The following REPS2 variants were observed in gnomAD, a reference collection of about 807,000 sequenced individuals.
The protein encoded by REPS2 is RALBP1 associated Eps domain containing 2.
In REPS2, 23 loss-of-function variants were observed where a neutral mutation model predicts 53.6. That is an observed-to-expected ratio of 0.43 (90% CI 0.31 to 0.61). The LOEUF (loss-of-function observed/expected upper bound fraction) is 0.61. Among genes scored for constraint, REPS2 ranks in the 20% least tolerant of loss-of-function variants. REPS2 has a pLI of 0.11. For synonymous variants in REPS2, 238 were observed against 218.6 expected (o/e 1.09, Z -0.78); for missense variants, 446 against 534.9 (o/e 0.83, Z 1.64).
At chrX:17,000,688 TTTA>T (rs2061295768) in intron 1 of REPS2, among the ~76,000 whole-genome samples, 1 of 112,004 alleles carries the variant, frequency 8.9e-6, no homozygotes, top group Non-Finnish European at 1.9e-5. Context: ...CTACAAGCTT[TTTA>T]TTGACAAAAT....
chrX:16,996,736 C>G (rs2061239282), intron 1 of REPS2, among the ~76,000 whole-genome samples: 1 of 111,897 alleles, frequency 8.9e-6, no homozygotes, highest in African/African-American at 3.3e-5. Context: ...ACTGAACTTC[C>G]ATTCACATTC....
chrX:16,963,666 C>T (rs981608307), intron 1 of REPS2, among the ~76,000 whole-genome samples: 1 of 112,392 alleles, frequency 8.9e-6, no homozygotes, highest in African/African-American at 3.2e-5. Context: ...AGCCACCTCT[C>T]ACTGTAATAA....
chrX:17,176,065 G>A, the REPS2 span, among the ~76,000 whole-genome samples: 1 of 111,973 alleles, frequency 8.9e-6, no homozygotes, highest in Non-Finnish European at 1.9e-5. Context: ...TGGTTGGGGG[G>A]GCTGCCCTAG....
intron 14 of REPS2, among the ~76,000 whole-genome samples, chrX:17,104,141 C>T (rs954044441): frequency 9.0e-6 from 1 of 111,449 alleles, no homozygotes; most frequent in African/African-American, 3.3e-5. Context: ...CCTATATTTT[C>T]GTCAGTACTT....
intron 14 of REPS2, among the ~76,000 whole-genome samples, chrX:17,121,180 TGAAG>T (rs1340645447): frequency 1.8e-5 from 2 of 111,887 alleles, no homozygotes; most frequent in African/African-American, 3.3e-5. Context: ...CCTTCATCCT[TGAAG>T]GAGAGGAAGA....
the REPS2 span, among the ~76,000 whole-genome samples, chrX:17,189,733 AAT>A: frequency 5.4e-5 from 6 of 110,549 alleles, no homozygotes; most frequent in East Asian, 1.7e-3. Flanking sequence ...TGTATTCCTT[AAT>A]AGTTATTAGT....
chrX:17,184,620 G>A, the REPS2 span, among the ~76,000 whole-genome samples: 14 of 109,995 alleles, frequency 1.3e-4, no homozygotes, highest in African/African-American at 4.3e-4. Flanking sequence ...TTCCACAATG[G>A]TTGAACTAGT....
rs559628434 is a variant in REPS2 at position 17,044,541 on chromosome X, C to T, written c.772-2806C>T. ...ATGGATATTTCTGTGTCTTCGTTCA[C>T]TGGGAAGTGGAGGGACAGAGCTTCC... On this transcript the variant is annotated intron_variant, in intron 5 of 17. Transcript: ENST00000357277. 1.1e-3 allele frequency: 127 copies of T among 111,711 alleles called. 1 individual carries two copies. The highest frequency in any genetic ancestry group is 2.0e-3 in the Admixed American group (21 of 10,520). The allele number at this position is 111,711 out of a possible 1,213,427, so 9.2% of individuals were successfully genotyped here.
At chrX:17,026,637 G>C (rs1172291510) in intron 4 of REPS2, among the ~76,000 whole-genome samples, 1 of 110,013 alleles carries the variant, frequency 9.1e-6, no homozygotes, top group Non-Finnish European at 1.9e-5. Context: ...CATACAAATT[G>C]GGCTTCCATT....
intron 5 of REPS2, among the ~76,000 whole-genome samples, chrX:17,047,020 T>C (rs770577318): frequency 6.2e-5 from 7 of 112,813 alleles, no homozygotes; most frequent in African/African-American, 2.3e-4. Flanking sequence ...TCTGAAAGAA[T>C]GAAAATGTGA....
intron 1 of REPS2, among the ~76,000 whole-genome samples, chrX:16,952,365 A>G (rs1049439572): frequency 4.5e-5 from 5 of 111,723 alleles, no homozygotes; most frequent in African/African-American, 1.6e-4. Context: ...GCTGAGAATG[A>G]TGGTTTCCGG....
At chrX:17,177,289 A>C in the REPS2 span, among the ~76,000 whole-genome samples, 1 of 111,978 alleles carries the variant, frequency 8.9e-6, no homozygotes, top group Non-Finnish European at 1.9e-5. Context: ...ATCCTTTCTC[A>C]TTGGAACGCG....
At chrX:17,179,157 G>A in the REPS2 span, among the ~76,000 whole-genome samples, 1 of 112,040 alleles carries the variant, frequency 8.9e-6, no homozygotes, top group South Asian at 3.7e-4. Context: ...GGCTGCAGTA[G>A]TAGCTTCTAT....
At chrX:17,127,137 A>C (rs1392670171) in intron 14 of REPS2, among the ~76,000 whole-genome samples, 1 of 111,845 alleles carries the variant, frequency 8.9e-6, no homozygotes, top group African/African-American at 3.3e-5. Context: ...ACATTCCAAA[A>C]ATGGCCAAGG....
At chrX:16,982,178 C>A (rs1236195482) in intron 1 of REPS2, among the ~76,000 whole-genome samples, 1 of 111,648 alleles carries the variant, frequency 9.0e-6, no homozygotes. Flanking sequence ...AATAATATTC[C>A]ATTTTCTGGA....
the REPS2 span, among the ~76,000 whole-genome samples, chrX:17,172,975 ATGTGTGTGTG>A: frequency 4.0e-5 from 4 of 99,282 alleles, no homozygotes; most frequent in African/African-American, 1.1e-4. Context: ...GTGTGTATGT[ATGTGTGTGTG>A]TGTGTGTGTG....
intron 2 of REPS2, among the ~76,000 whole-genome samples, chrX:17,013,940 C>T: frequency 1.8e-5 from 2 of 111,273 alleles, no homozygotes; most frequent in Middle Eastern, 4.6e-3. Context: ...ATAGCGCTGT[C>T]ATTAGCTCTA....
chrX:16,965,645 G>T (rs1464750258), intron 1 of REPS2, among the ~76,000 whole-genome samples: 10 of 112,348 alleles, frequency 8.9e-5, no homozygotes, highest in African/African-American at 3.2e-4. Flanking sequence ...GGGCAGAGAC[G>T]CTCCTCACTT....
Position 17,035,535 on chromosome X carries a change from G to A in REPS2, c.771+5912G>A, listed in dbSNP as rs113391855. Among the ~76,000 whole-genome samples, 498 of 110,923 alleles carry A rather than the reference G, an allele frequency of 4.5e-3. 2 individuals carry two copies. The highest frequency in any genetic ancestry group is 0.015 in the African/African-American group (470 of 30,451). ...CCCACAGAGCAGGTCAGGCCCGCCC[G>A]GATTCTTTTGGGGTTCAAGAATTAT... On this transcript the variant is annotated intron_variant, in intron 5 of 17. Coordinates refer to ENST00000357277, the MANE Select transcript of REPS2 (RefSeq NM_004726.3).
Sources: gnomAD v4.1 joint callset for allele counts (sites outside exome capture counted in the v4.1 genomes callset) on GRCh38, gnomAD v4.1.1 for gene constraint, MANE v1.5 for transcripts, NCBI Gene and HGNC (gene_info 2026-07-23, HGNC 2026-07-21) for gene names.